SCNN1B: variants seen among roughly 807,000 people sequenced by gnomAD.
SCNN1B encodes sodium channel epithelial 1 subunit beta, also known as epithelial sodium channel subunit beta.
In SCNN1B, 46 loss-of-function variants were observed where a neutral mutation model predicts 65.3. That is an observed-to-expected ratio of 0.70 (90% CI 0.56 to 0.90). SCNN1B has a LOEUF of 0.90. Among genes scored for constraint, SCNN1B ranks in the 40% least tolerant of loss-of-function variants. The pLI is 0.00. For synonymous variants in SCNN1B, 349 were observed against 330.6 expected, an observed-to-expected ratio of 1.06 and a Z score of -0.60; for missense variants, 751 against 830.5, an observed-to-expected ratio of 0.90 and a Z score of 1.18.
intron 1 of SCNN1B, among the ~76,000 whole-genome samples, chr16:23,320,172 G>A (rs1961557999): frequency 6.6e-6 from 1 of 152,222 alleles, no homozygotes; most frequent in Non-Finnish European, 1.5e-5. Context: ...AGTGCTGCTG[G>A]TTCTGATGCC....
intron 1 of SCNN1B, among the ~76,000 whole-genome samples, chr16:23,319,117 T>A (rs1246950376): frequency 6.6e-6 from 1 of 151,830 alleles, no homozygotes; most frequent in Admixed American, 6.6e-5. Context: ...CTCAGCTTAC[T>A]GCAACCTCCA....
Position 23,353,016 on chromosome 16 carries a change from G to A in SCNN1B, c.527G>A (p.Ser176Asn). 1.2e-6 allele frequency: 2 copies of A among 1,614,156 alleles called. No individual in the cohort carries two copies. Among genetic ancestry groups the A allele is most frequent in the Non-Finnish European group, 1.7e-6 (2 of 1,180,038 alleles). Residue 176 changes from serine to asparagine, a missense_variant, in exon 3 of 13, where the codon AGC becomes AAC. Ser to Asn is a conservative substitution (Grantham distance 46). Transcript: ENST00000343070. ...LFGDNHNGLTSSSASEKICNA... is the reference protein window; with the variant it reads ...LFGDNHNGLTNSSASEKICNA... ...GGAGACAACCACAATGGCTTAACAA[G>A]CAGCTCAGCATCAGAAAAGATCTGT...
chr16:23,318,960 C>T (rs558230788), intron 1 of SCNN1B, among the ~76,000 whole-genome samples: 41 of 152,204 alleles, frequency 2.7e-4, no homozygotes, highest in African/African-American at 9.6e-4. Context: ...TGAGATTGTG[C>T]AGGGGTGATT....
intron 4 of SCNN1B, among the ~76,000 whole-genome samples, chr16:23,357,981 C>T (rs1962455031): frequency 6.6e-6 from 1 of 152,244 alleles, no homozygotes; most frequent in Admixed American, 6.5e-5. Flanking sequence ...CCCATCTGCT[C>T]AGTGAGAACA....
rs954495685 is a variant in SCNN1B, at chr16:23,380,665, C to T, written c.1787C>T (p.Pro596Leu). 2.5e-6 allele frequency: 4 copies of T among 1,612,552 alleles called. No homozygotes were observed. Among genetic ancestry groups the T allele is most frequent in the African/African-American group, 1.3e-5 (1 of 74,920 alleles). The change falls in exon 13 of 13, where the codon CCC becomes CTC. Residue 596 changes from proline to leucine, a missense_variant. Physicochemically the swap from Pro to Leu is moderately conservative, Grantham distance 98. Coordinates refer to ENST00000343070, the MANE Select transcript of SCNN1B (RefSeq NM_000336.3). This position sits in a 1 kb window ranked among gnomAD's most constrained non-coding sequence, Gnocchi z 5.4. ...TNFGFQPDTA[P>L]RSPNTGPYPS... ...TTTGGCTTCCAGCCTGACACGGCCC[C>T]CCGCAGCCCCAACACTGGGCCCTAC...
intron 4 of SCNN1B, among the ~76,000 whole-genome samples, chr16:23,359,832 G>A (rs1183809223): frequency 6.6e-6 from 1 of 152,200 alleles, no homozygotes; most frequent in African/African-American, 2.4e-5. Context: ...GCATTATTGG[G>A]GGATTAAATG....
At chr16:23,355,819 G>A (rs760599624) in intron 4 of SCNN1B, among the ~76,000 whole-genome samples, 3 of 151,748 alleles carry the variant, frequency 2.0e-5, no homozygotes, top group Admixed American at 6.6e-5. Flanking sequence ...GTGGTGGGTG[G>A]GTGGCTTACC....
intron 1 of SCNN1B, among the ~76,000 whole-genome samples, chr16:23,318,689 TAAG>T (rs1358503439): frequency 1.3e-5 from 2 of 152,204 alleles, no homozygotes; most frequent in Non-Finnish European, 2.9e-5. Flanking sequence ...AGAGTGGCTG[TAAG>T]AAGGAGATGA....
chr16:23,329,111 A>G (rs1017357001), intron 1 of SCNN1B, among the ~76,000 whole-genome samples: 3 of 128,072 alleles, frequency 2.3e-5, no homozygotes, highest in Admixed American at 7.9e-5. Flanking sequence ...GTTTATTATT[A>G]TCATTATTAT....
At chr16:23,362,775 A>G (rs13333693) in intron 4 of SCNN1B, among the ~76,000 whole-genome samples, 37,937 of 152,210 alleles carry the variant, frequency 0.25, 4,854 homozygotes, top group East Asian at 0.4. Flanking sequence ...TGACCAAGAC[A>G]GTTCCTTGGG....
chr16:23,283,166 G>A (rs1041112761), intron 1 of SCNN1B, among the ~76,000 whole-genome samples: 2 of 152,168 alleles, frequency 1.3e-5, no homozygotes, highest in Non-Finnish European at 2.9e-5. Context: ...ATCCCAGGAC[G>A]TTGGGAGGCT....
rs117318549 is a variant in SCNN1B at position 23,378,330 on chromosome 16, C to T, written c.1405-376C>T. Among the ~76,000 whole-genome samples the T allele has an allele frequency of 6.3e-4, 96 of 152,338 alleles. 1 individual carries two copies. In the East Asian group the frequency reaches 0.017, roughly 27 times the overall value. ...CAGCTTCTGGGAAAGCATGTTAGAC[C>T]GAGTGGTCAGGGAAGGCCTCTCTGA... On this transcript the variant is annotated intron_variant, in intron 10 of 12. Coordinates refer to ENST00000343070, the MANE Select transcript of SCNN1B (RefSeq NM_000336.3).
chr16:23,346,677 C>T (rs902567711), intron 1 of SCNN1B, among the ~76,000 whole-genome samples: 1 of 133,364 alleles, frequency 7.5e-6, no homozygotes, highest in African/African-American at 2.9e-5. Context: ...CTCCCCACCC[C>T]TGCAGGCTCC....
chr16:23,367,950 A>G lies in SCNN1B; in HGVS notation c.871A>G (p.Thr291Ala). 1.2e-6 allele frequency: 2 copies of G among 1,613,370 alleles called. No homozygotes were observed. The highest frequency in any genetic ancestry group is 1.7e-6 in the Non-Finnish European group (2 of 1,179,276). Residue 291 changes from threonine to alanine, a missense_variant, in exon 5 of 13, where the codon ACT becomes GCT. By Grantham distance (58) the Thr-to-Ala change is moderately conservative. Transcript: ENST00000343070. ...GGCACTTCCTTCGGCCAACCCTGGAACTGAATTCGGTGAGTTTTGGTTTAT... is the reference window on the plus strand; with the variant it reads ...GGCACTTCCTTCGGCCAACCCTGGAGCTGAATTCGGTGAGTTTTGGTTTAT... ...EKALPSANPGTEFGLKLILDI... is the reference protein window; with the variant it reads ...EKALPSANPGAEFGLKLILDI...
In SCNN1B at chr16:23,355,279, A is replaced by G; in HGVS notation, c.586-20A>G. 1 of 1,612,860 alleles carries G rather than the reference A, an allele frequency of 6.2e-7. No individual in the cohort carries two copies. The highest frequency in any genetic ancestry group is 8.5e-7 in the Non-Finnish European group (1 of 1,179,642). On this transcript the variant is annotated intron_variant, in intron 3 of 12. Transcript: ENST00000343070. ...AGCAGCTCCCACGCCACCCACAAAAACCCCTCTTGGCCTCCACAGTGTAGC... is the reference window on the plus strand; with the variant it reads ...AGCAGCTCCCACGCCACCCACAAAAGCCCCTCTTGGCCTCCACAGTGTAGC...
intron 2 of SCNN1B, among the ~76,000 whole-genome samples, chr16:23,286,154 T>C (rs978301967): frequency 2.6e-4 from 39 of 152,298 alleles, no homozygotes; most frequent in African/African-American, 8.7e-4. Flanking sequence ...GGAAAGAATT[T>C]ATTCTGCCCT....
At chr16:23,312,969 AAAGCAGTTCTCTTTGCAATTC>A (rs1312778190) in intron 1 of SCNN1B, among the ~76,000 whole-genome samples, 6 of 152,212 alleles carry the variant, frequency 3.9e-5, no homozygotes, top group Admixed American at 3.3e-4. Context: ...TTCCCAATAC[AAAGCAGTTCTCTTTGCAATTC>A]ATTCATTCAT....
intron 7 of SCNN1B, among the ~76,000 whole-genome samples, chr16:23,373,244 T>G: frequency 6.6e-6 from 1 of 152,096 alleles, no homozygotes; most frequent in East Asian, 1.9e-4. Flanking sequence ...TCAGCCTCCC[T>G]AGTAGCCAGG....
At chr16:23,375,987 T>G in intron 8 of SCNN1B, 132 bp downstream of exon 8, 4 of 671,198 alleles carry the variant, frequency 6.0e-6, no homozygotes, top group Non-Finnish European at 8.1e-6. Flanking sequence ...CTCCACAGTC[T>G]GAGGTCCCTC....
Sources: gnomAD v4.1 joint callset for allele counts (sites outside exome capture counted in the v4.1 genomes callset) on GRCh38, gnomAD v4.1.1 for gene constraint, Gnocchi (gnomAD v3.1) non-coding constraint, MANE v1.5 for transcripts, NCBI Gene and HGNC (gene_info 2026-07-23, HGNC 2026-07-21) for gene names.